Variants in PACSIN3 observed in about 807,000 individuals in gnomAD.
PACSIN3 encodes protein kinase C and casein kinase substrate in neurons 3, also known as protein kinase C and casein kinase substrate in neurons protein 3.
Under a neutral mutation model 56.1 loss-of-function variants are expected in PACSIN3, and 34 were observed. The ratio of observed to expected loss-of-function variants is 0.61; its 90% CI spans 0.46 to 0.81. PACSIN3 has a LOEUF of 0.81. Ranked by LOEUF, PACSIN3 falls within the 30% of genes least tolerant of loss-of-function variation. The probability of loss-of-function intolerance (pLI) is 0.00; values close to 1 mark genes in which losing one functional copy is unlikely to be tolerated. For synonymous variants in PACSIN3, 218 were observed against 229.8 expected (o/e 0.95, Z 0.46); for missense variants, 535 against 592.4 (o/e 0.90, Z 1.01).
rs1952970619 is a variant in PACSIN3 at position 47,179,420 on chromosome 11, C to T, written c.770G>A (p.Ser257Asn). ...ACCAGGCAGTTCATACTTCTCACTG[C>T]TGGAAAGGTCCAGGTGCTGGTGTAA... ...LTLHQHLDLSSSEKFHELHRD... is the reference protein window; with the variant it reads ...LTLHQHLDLSNSEKFHELHRD... The change falls in exon 7 of 11, where the codon AGC (serine) becomes AAC (asparagine). Residue 257 changes from serine to asparagine, a missense_variant. Physicochemically the swap from Ser to Asn is conservative, Grantham distance 46. Coordinates refer to ENST00000298838, the MANE Select transcript of PACSIN3 (RefSeq NM_016223.5). The surrounding 1 kb of genome is among the most constrained non-coding windows in gnomAD (Gnocchi z 4.4). 1 of 1,614,084 alleles carries T rather than the reference C, an allele frequency of 6.2e-7. No homozygotes were observed. Among genetic ancestry groups the T allele is most frequent in the Non-Finnish European group, 8.5e-7 (1 of 1,180,012 alleles).
In PACSIN3 at chr11:47,179,603, G is replaced by A; in HGVS notation, c.604-17C>T. The A allele has an allele frequency of 1.9e-6, 3 of 1,609,688 alleles. No individual in the cohort carries two copies. Among genetic ancestry groups the A allele is most frequent in the Non-Finnish European group, 2.5e-6 (3 of 1,179,296 alleles). On this transcript the variant is annotated splice_polypyrimidine_tract_variant and intron_variant, in intron 6 of 10. Coordinates refer to ENST00000298838, the MANE Select transcript of PACSIN3 (RefSeq NM_016223.5). The surrounding 1 kb of genome is among the most constrained non-coding windows in gnomAD (Gnocchi z 4.4). ...AGCTTTTGTCTGGGTGGGAGAGGAGGGGCCTGGTGAGAACCAGACCTTCTT... is the reference window on the plus strand; with the variant it reads ...AGCTTTTGTCTGGGTGGGAGAGGAGAGGCCTGGTGAGAACCAGACCTTCTT...
In PACSIN3 at chr11:47,178,409, A is replaced by G; in HGVS notation, c.1116T>C (p.Tyr372=). The part of the protein sequence containing the change: ...AATGVRVRAL[Y]DYAGQEADEL... ...CATCAGCTTCCTGGCCAGCGTAGTCATAGAGTGCCCTCACCCGAACCCCGG... is the reference window on the plus strand; with the variant it reads ...CATCAGCTTCCTGGCCAGCGTAGTCGTAGAGTGCCCTCACCCGAACCCCGG... Residue 372 remains tyrosine (Y), a synonymous_variant, in exon 10 of 11, where the codon TAT becomes TAC. Coordinates refer to ENST00000298838, the MANE Select transcript of PACSIN3 (RefSeq NM_016223.5). This position sits in a 1 kb window ranked among gnomAD's most constrained non-coding sequence, Gnocchi z 4.2. 1 of 1,614,038 alleles carries G rather than the reference A, an allele frequency of 6.2e-7. No homozygotes were observed. The highest frequency in any genetic ancestry group is 1.1e-5 in the South Asian group (1 of 91,086).
intron 2 of PACSIN3, 51 bp from the exon 3 acceptor site, chr11:47,182,815 G>T: frequency 7.2e-7 from 1 of 1,389,176 alleles, no homozygotes; most frequent in Non-Finnish European, 9.9e-7. Context: ...TGTTTCTGGG[G>T]ATAGGAAAAG....
At chr11:47,184,002 G>A (rs1258890872) in intron 1 of PACSIN3, among the ~76,000 whole-genome samples, 1 of 151,204 alleles carries the variant, frequency 6.6e-6, no homozygotes, top group Non-Finnish European at 1.5e-5. Flanking sequence ...GGGCAACAGA[G>A]TGAGACTGTC....
chr11:47,178,771 C>T lies in PACSIN3; in HGVS notation c.1037+123G>A. 1 of 1,163,168 alleles carries T rather than the reference C, an allele frequency of 8.6e-7. No homozygotes were observed. The highest frequency in any genetic ancestry group is 2.5e-5 in the East Asian group (1 of 39,530). The allele number at this position is 1,163,168 out of a possible 1,614,324, so 72.1% of individuals were successfully genotyped here. The stretch of plus-strand genomic sequence containing the variant: ...TATCATTACAACTACTAAGTAGGCC[C>T]TCAGGTCCCTGGCACCAATTTTCAA... On this transcript the variant is annotated intron_variant, in intron 9 of 10. Transcript: ENST00000298838. The surrounding 1 kb of genome is among the most constrained non-coding windows in gnomAD (Gnocchi z 4.2).
In PACSIN3 at chr11:47,179,030, C is replaced by T. The variant is rs1018179911; in HGVS notation, c.901G>A (p.Glu301Lys). The change falls in exon 9 of 11, where the codon GAG becomes AAG. Residue 301 changes from glutamate (E) to lysine (K), a missense_variant and splice_region_variant. Transcript: ENST00000298838. The surrounding 1 kb of genome is among the most constrained non-coding windows in gnomAD (Gnocchi z 4.4). ...GTCCTCTGTGTGTCCAAGGACCACTCCTGTGGGGACAGTGCTTATAGTCAG... is the reference window on the plus strand; with the variant it reads ...GTCCTCTGTGTGTCCAAGGACCACTTCTGTGGGGACAGTGCTTATAGTCAG... Reference protein sequence around the residue: ...GMAMNWPQFEEWSLDTQRTIS... With the variant: ...GMAMNWPQFEKWSLDTQRTIS... 5 of 1,613,994 alleles carry T rather than the reference C, an allele frequency of 3.1e-6. No individual in the cohort carries two copies. In the African/African-American group the frequency reaches 5.3e-5, roughly 17 times the overall value.
At position 47,182,473 on chromosome 11, in the gene PACSIN3, G is replaced by C. The variant is rs759521291; in HGVS notation, c.141C>G (p.Ala47=). The change falls in exon 4 of 11, where the codon GCC becomes GCG. Residue 47 remains alanine (A), a synonymous_variant. Coordinates refer to ENST00000298838, the MANE Select transcript of PACSIN3 (RefSeq NM_016223.5). ...GDLVSCFQER[A]RIEKAYAQQL... is the part of the protein sequence containing the mutation. ...GCTGGGCATAAGCCTTCTCGATGCG[G>C]GCGCGCTCCTGGAAGCAGCTGACCA... is the stretch of plus-strand genomic sequence containing the variant. 1.9e-6 allele frequency: 3 copies of C among 1,608,138 alleles called. No individual in the cohort carries two copies. In the African/African-American group the frequency reaches 4.0e-5, roughly 21 times the overall value.
At chr11:47,183,848 C>T (rs1953073081) in intron 1 of PACSIN3, among the ~76,000 whole-genome samples, 1 of 152,172 alleles carries the variant, frequency 6.6e-6, no homozygotes, top group South Asian at 2.1e-4. Flanking sequence ...ATGGAGGAAC[C>T]TCGTCTCTAC....
chr11:47,178,152 C>A lies in PACSIN3; in HGVS notation c.1160-106G>T. The A allele has an allele frequency of 8.2e-7, 1 of 1,216,656 alleles. No individual in the cohort carries two copies. The highest frequency in any genetic ancestry group is 1.3e-5 in the South Asian group (1 of 75,166). 75.4% of individuals were successfully genotyped at this position (1,216,656 alleles called of 1,614,324 possible). A position where few individuals can be genotyped will look rare whatever the true frequency, so the allele number is the denominator to read the frequency against. ...TGGTGTGGTCCCAGAGCCCAGCTAG[C>A]AAAGACATGGCTCAGGCAGAGGCAG... On this transcript the variant is annotated intron_variant, in intron 10 of 10. Transcript: ENST00000298838. The surrounding 1 kb of genome is among the most constrained non-coding windows in gnomAD (Gnocchi z 4.2).
Position 47,178,579 on chromosome 11 carries a change from C to G in PACSIN3, c.1038-92G>C, listed in dbSNP as rs1024695012. ...GATCAGGGCAAAGGCCTCCCTACCC[C>G]CAGAGGCACCTGGGAGAGTCAGGTG... On this transcript the variant is annotated intron_variant, in intron 9 of 10. Coordinates refer to ENST00000298838, the MANE Select transcript of PACSIN3 (RefSeq NM_016223.5). The surrounding 1 kb of genome is among the most constrained non-coding windows in gnomAD (Gnocchi z 4.2). 1 of 1,485,620 alleles carries G rather than the reference C, an allele frequency of 6.7e-7. No homozygotes were observed. The highest frequency in any genetic ancestry group is 1.4e-5 in the African/African-American group (1 of 71,524). 92.0% of individuals were successfully genotyped at this position (1,485,620 alleles called of 1,614,324 possible).
In PACSIN3 at chr11:47,179,256, A is replaced by T; in HGVS notation, c.803T>A (p.Leu268Ter). The stretch of plus-strand genomic sequence containing the variant: ...ACTGGCTGCCTCAATGCCCTGGTGC[A>T]AGTCACGGTGGAGTTCATGGAACCT... ...SEKFHELHRD[L>*]HQGIEAASDE... The change falls in exon 8 of 11, where the codon TTG (leucine) becomes TAG (stop). Residue 268 changes from leucine to a stop codon, truncating the protein, a stop_gained. Transcript: ENST00000298838. LOFTEE classifies it high-confidence loss of function. The surrounding 1 kb of genome is among the most constrained non-coding windows in gnomAD (Gnocchi z 4.4). 6.2e-7 allele frequency: 1 copy of T among 1,613,838 alleles called. No homozygotes were observed. The highest frequency in any genetic ancestry group is 8.5e-7 in the Non-Finnish European group (1 of 1,179,972).
rs532809427 is a variant in PACSIN3 at position 47,182,626 on chromosome 11, G to A, written c.54+48C>T. ...TCCTTTGGGGCTGGGGCTGTCAGAT[G>A]GGCTCCTCCCCTAGACAAGTAGCTG... On this transcript the variant is annotated intron_variant, in intron 3 of 10. Transcript: ENST00000298838. The A allele has an allele frequency of 5.6e-6, 9 of 1,603,876 alleles. No individual in the cohort carries two copies. The South Asian group carries it at 8.9e-5, about 16-fold the overall frequency.
chr11:47,182,764 G>A lies in PACSIN3; in HGVS notation c.-37C>T. On this transcript the variant is annotated splice_region_variant and 5_prime_UTR_variant, in exon 3 of 11. Transcript: ENST00000298838. ...AGCACGGAATGGTGGCGGATTTGGG[G>A]CTGTGGAGGGCAGAGGGGTAAGCAG... 6.3e-7 allele frequency: 1 copy of A among 1,592,126 alleles called. No homozygotes were observed. Among genetic ancestry groups the A allele is most frequent in the Non-Finnish European group, 8.5e-7 (1 of 1,169,830 alleles).
At position 47,180,520 on chromosome 11, in the gene PACSIN3, C is replaced by T. The variant is rs771916011; in HGVS notation, c.382G>A (p.Glu128Lys). Reference protein sequence around the residue: ...FHRPVLGGFRESRAAEDGFRK... With the variant: ...FHRPVLGGFRKSRAAEDGFRK... ...AAGCCGTCCTCGGCCGCCCGGCTCT[C>T]GCGGAAGCCGCCCAGCACAGGCCGG... The change falls in exon 5 of 11, where the codon GAG becomes AAG. Residue 128 changes from glutamate (E) to lysine (K), a missense_variant. By Grantham distance (56) the Glu-to-Lys change is moderately conservative. Coordinates refer to ENST00000298838, the MANE Select transcript of PACSIN3 (RefSeq NM_016223.5). 3.0e-5 allele frequency: 48 copies of T among 1,603,594 alleles called. No homozygotes were observed. Among genetic ancestry groups the T allele is most frequent in the South Asian group, 2.5e-4 (23 of 90,994 alleles).
In PACSIN3 at chr11:47,184,985, GC is replaced by G. The variant is rs1453019222; in HGVS notation, c.-104+1363del. On this transcript the variant is annotated intron_variant, in intron 1 of 10. Transcript: ENST00000298838. ...AGGCCCAAGCCCCGGGTGCAGCCAG[GC>G]CCCACAGCCCCAGCCTGACCTCTCA... Among the ~76,000 whole-genome samples the G allele has an allele frequency of 2.0e-5, 3 of 152,316 alleles. No homozygotes were observed. The South Asian group carries it at 6.2e-4, about 32-fold the overall frequency.
Position 47,178,023 on chromosome 11 carries a change from C to T in PACSIN3, c.1183G>A (p.Glu395Lys). The T allele has an allele frequency of 6.2e-7, 1 of 1,613,948 alleles. No individual in the cohort carries two copies. Among genetic ancestry groups the T allele is most frequent in the Non-Finnish European group, 8.5e-7 (1 of 1,179,878 alleles). Residue 395 changes from glutamate (E) to lysine (K), a missense_variant, in exon 11 of 11, where the codon GAG becomes AAG. Glu to Lys is a moderately conservative substitution (Grantham distance 56, BLOSUM62 1). Coordinates refer to ENST00000298838, the MANE Select transcript of PACSIN3 (RefSeq NM_016223.5). This position sits in a 1 kb window ranked among gnomAD's most constrained non-coding sequence, Gnocchi z 4.2. ...RAGEELLKMSEEDEQGWCQGQ... is the reference protein window; with the variant it reads ...RAGEELLKMSKEDEQGWCQGQ... ...TGGCACCAGCCCTGCTCGTCCTCCT[C>T]ACTCATCTTCAGCAGCTCCTCCCCT...
intron 1 of PACSIN3, chr11:47,184,434 G>A (rs1344158567): frequency 6.6e-6 from 1 of 152,246 alleles, no homozygotes; most frequent in Non-Finnish European, 1.5e-5. Flanking sequence ...TGGCTGACAG[G>A]ACAGTGTCTA....
At position 47,177,733 on chromosome 11, in the gene PACSIN3, G is replaced by A. The variant is rs1833691948; in HGVS notation, c.*198C>T. The stretch of plus-strand genomic sequence containing the variant: ...CCTCTGACCTCCCATCTTGCCCTCA[G>A]CCTAGACTCGTCCCTTCCCTACCAG... On this transcript the variant is annotated 3_prime_UTR_variant, in exon 11 of 11. Coordinates refer to ENST00000298838, the MANE Select transcript of PACSIN3 (RefSeq NM_016223.5). The A allele has an allele frequency of 2.3e-5, 14 of 602,252 alleles. No homozygotes were observed. In the South Asian group the frequency reaches 2.6e-4, roughly 11 times the overall value. The allele number at this position is 602,252 out of a possible 1,614,324, so 37.3% of individuals were successfully genotyped here. A position where few individuals can be genotyped will look rare whatever the true frequency, so the allele number is the denominator to read the frequency against.
In PACSIN3 at chr11:47,178,162, G is replaced by A. The variant is rs1590969663; in HGVS notation, c.1160-116C>T. 8.4e-7 allele frequency: 1 copy of A among 1,186,326 alleles called. No individual in the cohort carries two copies. Among genetic ancestry groups the A allele is most frequent in the Non-Finnish European group, 1.2e-6 (1 of 825,874 alleles). 73.5% of individuals were successfully genotyped at this position (1,186,326 alleles called of 1,614,324 possible). On this transcript the variant is annotated intron_variant, in intron 10 of 10. Transcript: ENST00000298838. The surrounding 1 kb of genome is among the most constrained non-coding windows in gnomAD (Gnocchi z 4.2). ...CCAGAGCCCAGCTAGCAAAGACATG[G>A]CTCAGGCAGAGGCAGGTCAAGGTCA...
Sources: allele counts gnomAD v4.1 joint callset (sites outside exome capture counted in the v4.1 genomes callset), GRCh38; gene constraint gnomAD v4.1.1; non-coding constraint Gnocchi (gnomAD v3.1); transcripts MANE v1.5; gene names NCBI Gene and HGNC (gene_info 2026-07-23, HGNC 2026-07-21).